The following THTPA variants were observed in gnomAD, a reference collection of about 807,000 sequenced individuals.
The protein encoded by THTPA is thiamine-triphosphatase.
In THTPA, 16 loss-of-function variants were observed where a neutral mutation model predicts 16.5. The observed-to-expected ratio is 0.97, with a 90% CI of 0.66 to 1.47. The LOEUF (loss-of-function observed/expected upper bound fraction) is 1.47. Ranked by LOEUF, THTPA falls within the 40% of genes most tolerant of loss-of-function variation. The pLI is 0.00. For missense variants in THTPA, 281 were observed against 280.9 expected (o/e 1.00, Z 0.00); for synonymous variants, 110 against 115.5 (o/e 0.95, Z 0.30).
At position 23,557,177 on chromosome 14, in the gene THTPA, A is replaced by G; in HGVS notation, c.420A>G (p.Pro140=). The change falls in exon 1 of 2, where the codon CCA becomes CCG. Residue 140 remains proline (P), a synonymous_variant. Transcript: ENST00000288014. The stretch of plus-strand genomic sequence containing the variant: ...TCTTGGGAGCTGATGAAGAGGAGCC[A>G]CAGCTCAGGGTGGACTTGGATACAG... ...LVLLGADEEE[P]QLRVDLDTAD... 2.5e-6 allele frequency: 4 copies of G among 1,614,166 alleles called. No individual in the cohort carries two copies. The highest frequency in any genetic ancestry group is 8.5e-7 in the Non-Finnish European group (1 of 1,180,032).
At chr14:23,552,025 T>G (rs1882004054), upstream of THTPA, among the ~76,000 whole-genome samples, 1 of 152,192 alleles carries the variant, frequency 6.6e-6, no homozygotes, top group South Asian at 2.1e-4. Flanking sequence ...TGTGTTTTGT[T>G]GTTTTGTTTT....
chr14:23,554,108 A>T (rs1450227730), upstream of THTPA, among the ~76,000 whole-genome samples: 4 of 151,604 alleles, frequency 2.6e-5, no homozygotes, highest in Non-Finnish European at 5.9e-5. Context: ...AAGGCCAAAC[A>T]TCTAGAAAGT....
chr14:23,558,864 A>G lies in THTPA; in HGVS notation c.*24A>G. ...AGGGGTGTCACTTCCTAGAAGGGGAAGGGAACTCTGGGTCTAACGGAGTCC... is the reference window on the plus strand; with the variant it reads ...AGGGGTGTCACTTCCTAGAAGGGGAGGGGAACTCTGGGTCTAACGGAGTCC... On this transcript the variant is annotated 3_prime_UTR_variant, in exon 2 of 2. Coordinates refer to ENST00000288014, the MANE Select transcript of THTPA (RefSeq NM_024328.6). 1 of 1,613,308 alleles carries G rather than the reference A, an allele frequency of 6.2e-7. No individual in the cohort carries two copies. The highest frequency in any genetic ancestry group is 1.1e-5 in the South Asian group (1 of 91,074).
chr14:23,551,701 C>A, upstream of THTPA: 1 of 155,902 alleles, frequency 6.4e-6, no homozygotes, highest in South Asian at 1.8e-4. The surrounding 1 kb of genome is among the most constrained non-coding windows in gnomAD (Gnocchi z 5.3). Flanking sequence ...TCCTCCTCCT[C>A]CTCCTCGCCC....
chr14:23,534,238 G>A, the THTPA span: 7 of 1,521,954 alleles, frequency 4.6e-6, no homozygotes, highest in African/African-American at 1.4e-5. The surrounding 1 kb of genome is among the most constrained non-coding windows in gnomAD (Gnocchi z 4.5). Flanking sequence ...TGCTACTGGC[G>A]ATTCTTTGGC....
the THTPA span, among the ~76,000 whole-genome samples, chr14:23,512,572 G>A: frequency 1.3e-5 from 2 of 148,298 alleles, no homozygotes; most frequent in African/African-American, 5.0e-5. Context: ...CCCTGGCATG[G>A]GATTCATGGG....
the THTPA span, chr14:23,523,672 G>T: frequency 8.4e-6 from 13 of 1,540,610 alleles, no homozygotes; most frequent in Admixed American, 7.8e-5. This position sits in a 1 kb window ranked among gnomAD's most constrained non-coding sequence, Gnocchi z 4.1. Flanking sequence ...CCTGCATGGT[G>T]GGGGTGCGGT....
chr14:23,539,724 C>T, the THTPA span, among the ~76,000 whole-genome samples: 1 of 152,098 alleles, frequency 6.6e-6, no homozygotes, highest in Admixed American at 6.5e-5. Flanking sequence ...ACCAGGGCTC[C>T]CTTTGGTACA....
chr14:23,518,638 T>C, the THTPA span, among the ~76,000 whole-genome samples: 2 of 152,308 alleles, frequency 1.3e-5, no homozygotes, highest in South Asian at 2.1e-4. The surrounding 1 kb of genome is among the most constrained non-coding windows in gnomAD (Gnocchi z 4.5). Context: ...GGTCGTTAAG[T>C]AGGGCAGAGC....
the THTPA span, chr14:23,533,507 C>T: frequency 2.0e-5 from 31 of 1,536,048 alleles, no homozygotes; most frequent in East Asian, 2.4e-4. The surrounding 1 kb of genome is among the most constrained non-coding windows in gnomAD (Gnocchi z 4.8). Flanking sequence ...GGTGGCAGGC[C>T]CAGCGGCAGC....
rs1168220735 is a variant in THTPA, at chr14:23,560,010, G to A, written c.*1170G>A. The A allele has an allele frequency of 1.2e-6, 2 of 1,609,902 alleles. No individual in the cohort carries two copies. The highest frequency in any genetic ancestry group is 8.5e-7 in the Non-Finnish European group (1 of 1,177,266). ...CCCGAGCTGGAACTGTGTTCCCACT[G>A]GGGGCCTGCAGCTGCAGCTGGAGAC... is the stretch of plus-strand genomic sequence containing the variant. On this transcript the variant is annotated 3_prime_UTR_variant, in exon 2 of 2. Coordinates refer to ENST00000288014, the MANE Select transcript of THTPA (RefSeq NM_024328.6).
the THTPA span, among the ~76,000 whole-genome samples, chr14:23,518,508 T>C: frequency 1.3e-5 from 2 of 152,242 alleles, no homozygotes; most frequent in Non-Finnish European, 2.9e-5. This position sits in a 1 kb window ranked among gnomAD's most constrained non-coding sequence, Gnocchi z 4.5. Flanking sequence ...TCTTATATTC[T>C]TCTAGCAATC....
At chr14:23,525,222 G>GTCC in the THTPA span, 1 of 1,536,136 alleles carries the variant, frequency 6.5e-7, no homozygotes, top group Non-Finnish European at 8.7e-7. This position sits in a 1 kb window ranked among gnomAD's most constrained non-coding sequence, Gnocchi z 5.9. Flanking sequence ...ATGGGCCAGT[G>GTCC]TCCCCCTGCT....
At chr14:23,524,167 A>G in the THTPA span, 1 of 1,535,996 alleles carries the variant, frequency 6.5e-7, no homozygotes, top group Non-Finnish European at 8.7e-7. This position sits in a 1 kb window ranked among gnomAD's most constrained non-coding sequence, Gnocchi z 5.6. Flanking sequence ...CTGCTGGACT[A>G]GGCACCCCCC....
At chr14:23,525,401 C>A in the THTPA span, 1 of 1,536,110 alleles carries the variant, frequency 6.5e-7, no homozygotes, top group Non-Finnish European at 8.7e-7. The surrounding 1 kb of genome is among the most constrained non-coding windows in gnomAD (Gnocchi z 5.9). Flanking sequence ...AGCAGCATAA[C>A]GGCTCAGGGC....
the THTPA span, chr14:23,512,805 C>T: frequency 0.09 from 13,378 of 148,286 alleles, 765 homozygotes; most frequent in South Asian, 0.14. Context: ...GGTGTGAGGG[C>T]GAAGGCGAGT....
chr14:23,519,566 T>C, the THTPA span, among the ~76,000 whole-genome samples: 1 of 152,156 alleles, frequency 6.6e-6, no homozygotes, highest in Non-Finnish European at 1.5e-5. Context: ...GCATTTTTGG[T>C]ATCAGAAATT....
At chr14:23,547,962 C>A in the THTPA span, among the ~76,000 whole-genome samples, 1 of 152,114 alleles carries the variant, frequency 6.6e-6, no homozygotes, top group Admixed American at 6.5e-5. Flanking sequence ...TGTCCCATTT[C>A]CCCCCTTTCT....
upstream of THTPA, among the ~76,000 whole-genome samples, chr14:23,554,306 C>T (rs147385235): frequency 9.9e-5 from 15 of 152,274 alleles, no homozygotes; most frequent in African/African-American, 3.1e-4. Flanking sequence ...TTTCTTCTCT[C>T]CCTAACCAAC....
Sources: allele counts gnomAD v4.1 joint callset (sites outside exome capture counted in the v4.1 genomes callset), GRCh38; gene constraint gnomAD v4.1.1; non-coding constraint Gnocchi (gnomAD v3.1); transcripts MANE v1.5; gene names NCBI Gene and HGNC (gene_info 2026-07-23, HGNC 2026-07-21).